PDE4D: variants seen among roughly 807,000 people sequenced by gnomAD.
PDE4D encodes 3',5'-cyclic-AMP phosphodiesterase 4D.
In PDE4D, 24 loss-of-function variants were observed where a neutral mutation model predicts 87.4. That is an observed-to-expected ratio of 0.27 (90% CI 0.20 to 0.39). The LOEUF is 0.39. Among genes scored for constraint, PDE4D ranks in the 10% least tolerant of loss-of-function variants. The pLI, the probability that PDE4D is intolerant of heterozygous loss-of-function variation, is 1.00. For synonymous variants in PDE4D, 384 were observed against 383.2 expected (o/e 1.00, Z -0.02); for missense variants, 714 against 1,041.0 (o/e 0.69, Z 4.32).
intron 2 of PDE4D, among the ~76,000 whole-genome samples, chr5:60,136,330 T>A (rs1780044626): frequency 6.6e-6 from 1 of 152,018 alleles, no homozygotes; most frequent in Non-Finnish European, 1.5e-5. Context: ...TTTTTTTTAA[T>A]TTTTGAGATG....
chr5:60,252,683 C>A (rs952909438), intron 1 of PDE4D, among the ~76,000 whole-genome samples: 2 of 151,768 alleles, frequency 1.3e-5, no homozygotes, highest in African/African-American at 4.8e-5. Flanking sequence ...GACTTTTACT[C>A]CTATGGAAAG....
chr5:59,193,226 C>G (rs1298366386), intron 3 of PDE4D, among the ~76,000 whole-genome samples: 4 of 152,112 alleles, frequency 2.6e-5, no homozygotes, highest in Non-Finnish European at 5.9e-5. Context: ...GCTTCTAGTG[C>G]TTATGTCAGT....
intron 1 of PDE4D, among the ~76,000 whole-genome samples, chr5:60,456,052 C>T (rs1583824565): frequency 1.3e-5 from 2 of 152,304 alleles, no homozygotes; most frequent in African/African-American, 4.8e-5. Flanking sequence ...TCAGCCCAAA[C>T]ATCTAAGATT....
chr5:59,883,335 G>A (rs1187381021), intron 1 of PDE4D, among the ~76,000 whole-genome samples: 1 of 152,178 alleles, frequency 6.6e-6, no homozygotes, highest in African/African-American at 2.4e-5. Flanking sequence ...GAGGCTGAAC[G>A]TGGGATACAG....
intron 5 of PDE4D, among the ~76,000 whole-genome samples, chr5:59,109,002 T>TGTGG (rs1554071099): frequency 8.4e-4 from 121 of 143,362 alleles, no homozygotes; most frequent in African/African-American, 3.1e-3. Flanking sequence ...TGTGTGTGTG[T>TGTGG]GGTGTAGGCC....
At chr5:59,185,397 T>C in intron 3 of PDE4D, 135 bp from the exon 4 acceptor site, 1 of 621,804 alleles carries the variant, frequency 1.6e-6, no homozygotes, top group East Asian at 2.8e-5. Context: ...TCCCAACACT[T>C]AGTGCAGTTT....
At chr5:60,342,633 A>C (rs151275075) in intron 1 of PDE4D, among the ~76,000 whole-genome samples, 2 of 152,264 alleles carry the variant, frequency 1.3e-5, no homozygotes, top group African/African-American at 4.8e-5. Context: ...AAACAAGACA[A>C]TGTTTAACTC....
chr5:59,720,038 A>T (rs1201033446), intron 1 of PDE4D, among the ~76,000 whole-genome samples: 1 of 152,160 alleles, frequency 6.6e-6, no homozygotes, highest in Non-Finnish European at 1.5e-5. Context: ...TGTAAATGCT[A>T]TGTTTATTCT....
intron 1 of PDE4D, among the ~76,000 whole-genome samples, chr5:59,279,640 T>C (rs1415486750): frequency 2.6e-5 from 4 of 152,118 alleles, no homozygotes; most frequent in African/African-American, 9.6e-5. Flanking sequence ...AAGTAGACTA[T>C]ACTTTCTTAA....
At chr5:59,666,407 A>G (rs17381667) in intron 1 of PDE4D, among the ~76,000 whole-genome samples, 26,252 of 152,250 alleles carry the variant, frequency 0.17, 3,057 homozygotes, top group South Asian at 0.26. Flanking sequence ...AATAATAGTA[A>G]CAACCAACAA....
intron 1 of PDE4D, chr5:59,276,141 A>C: frequency 2.0e-6 from 2 of 982,564 alleles, no homozygotes; most frequent in East Asian, 1.1e-4. Context: ...AAAAAAAAAA[A>C]AAGAAAAGCC....
intron 1 of PDE4D, among the ~76,000 whole-genome samples, chr5:59,225,603 C>T (rs960680453): frequency 7.2e-5 from 11 of 152,056 alleles, no homozygotes; most frequent in Non-Finnish European, 1.6e-4. Context: ...TCCTAATCCA[C>T]AGCAGCATCA....
intron 2 of PDE4D, among the ~76,000 whole-genome samples, chr5:60,043,363 A>G (rs1768751212): frequency 6.6e-6 from 1 of 152,192 alleles, no homozygotes; most frequent in South Asian, 2.1e-4. Flanking sequence ...CCAAGTTGGA[A>G]AACACCCTTC....
intron 11 of PDE4D, among the ~76,000 whole-genome samples, chr5:58,982,270 A>T (rs1334941837): frequency 6.6e-6 from 1 of 152,168 alleles, no homozygotes; most frequent in African/African-American, 2.4e-5. Context: ...TATGGCCTTT[A>T]TGGCCTTCTG....
intron 2 of PDE4D, among the ~76,000 whole-genome samples, chr5:60,179,744 A>G (rs1168858768): frequency 1.3e-5 from 2 of 152,148 alleles, no homozygotes; most frequent in Non-Finnish European, 2.9e-5. Flanking sequence ...ATTGAAGTCA[A>G]TTTTTTAGTT....
chr5:59,836,187 A>C (rs1427939394), intron 1 of PDE4D, among the ~76,000 whole-genome samples: 1 of 151,956 alleles, frequency 6.6e-6, no homozygotes, highest in Non-Finnish European at 1.5e-5. Flanking sequence ...CACCATCTTC[A>C]CCATCAGTAT....
chr5:60,493,154 A>G (rs774074848), intron 1 of PDE4D, among the ~76,000 whole-genome samples: 24 of 152,236 alleles, frequency 1.6e-4, no homozygotes, highest in Non-Finnish European at 2.5e-4. Context: ...ACACTAACCC[A>G]GGACATGACA....
At chr5:59,918,863 G>T (rs1489764673) in intron 3 of PDE4D, among the ~76,000 whole-genome samples, 1 of 152,188 alleles carries the variant, frequency 6.6e-6, no homozygotes, top group Non-Finnish European at 1.5e-5. Context: ...TTGCAGCCTT[G>T]CAGAGGACCA....
intron 3 of PDE4D, among the ~76,000 whole-genome samples, chr5:59,912,836 T>G (rs1753601423): frequency 6.6e-6 from 1 of 152,136 alleles, no homozygotes; most frequent in South Asian, 2.1e-4. Context: ...ACATAATAAA[T>G]CTAAAAACAA....
Sources: gnomAD v4.1 joint callset for allele counts (sites outside exome capture counted in the v4.1 genomes callset) on GRCh38, gnomAD v4.1.1 for gene constraint, MANE v1.5 for transcripts, NCBI Gene and HGNC (gene_info 2026-07-23, HGNC 2026-07-21) for gene names.